MTA1: variants seen among roughly 807,000 people sequenced by gnomAD.
MTA1 encodes the protein metastasis associated 1, also known as metastasis-associated protein MTA1.
Under a neutral mutation model 97.0 loss-of-function variants are expected in MTA1, and 15 were observed. The ratio of observed to expected loss-of-function variants is 0.15; its 90% confidence interval spans 0.10 to 0.24. The LOEUF is 0.24. Among genes scored for constraint, MTA1 ranks in the 10% least tolerant of loss-of-function variants. The pLI, the probability that MTA1 is intolerant of heterozygous loss-of-function variation, is 1.00. For synonymous variants in MTA1, 435 were observed against 417.5 expected, an observed-to-expected ratio of 1.04 and a Z score of -0.51; for missense variants, 709 against 1,015.1, an observed-to-expected ratio of 0.70 and a Z score of 4.10.
intron 10 of MTA1, among the ~76,000 whole-genome samples, chr14:105,462,268 G>A (rs2083386423): frequency 6.6e-6 from 1 of 152,182 alleles, no homozygotes; most frequent in African/African-American, 2.4e-5. Flanking sequence ...AATAAGACAG[G>A]TTTCTTAAAT....
Position 105,460,934 on chromosome 14 carries a change from C to T in MTA1, c.923C>T (p.Thr308Met), listed in dbSNP as rs782174559. The T allele has an allele frequency of 7.4e-6, 12 of 1,610,866 alleles. No individual in the cohort carries two copies. The highest frequency in any genetic ancestry group is 2.7e-5 in the African/African-American group (2 of 74,834). The change falls in exon 10 of 21, where the codon ACG becomes ATG. Residue 308 changes from threonine (T) to methionine (M), a missense_variant. By Grantham distance (81) the Thr-to-Met change is moderately conservative. Around this residue, in one of 2 missense-constraint regions of MTA1, gnomAD observed 321 missense variants for 593.5 expected, o/e 0.54. Transcript: ENST00000331320. ...EALEKYGKDF[T>M]DIQQDFLPWK... ...CTGGAAAAATATGGGAAGGATTTCA[C>T]GGACATTCAGCAAGATTTTGTGAGT...
intron 2 of MTA1, among the ~76,000 whole-genome samples, chr14:105,440,658 C>T (rs2082481173): frequency 6.6e-6 from 1 of 152,272 alleles, no homozygotes; most frequent in African/African-American, 2.4e-5. Flanking sequence ...CTCCTCAGGG[C>T]CAGGGCCACA....
intron 3 of MTA1, among the ~76,000 whole-genome samples, chr14:105,447,032 A>G (rs974100446): frequency 6.6e-6 from 1 of 152,234 alleles, no homozygotes; most frequent in African/African-American, 2.4e-5. Context: ...GAAGGTCCAC[A>G]GGCTACACAT....
At chr14:105,460,693 G>T (rs1399025744) in intron 9 of MTA1, 72 bp from the exon 10 acceptor site, 7 of 1,443,558 alleles carry the variant, frequency 4.8e-6, no homozygotes, top group Non-Finnish European at 5.5e-6. Context: ...AGGTACTGAG[G>T]GAGGGGGTAC....
intron 2 of MTA1, among the ~76,000 whole-genome samples, chr14:105,440,264 C>T (rs957652077): frequency 6.6e-6 from 1 of 152,248 alleles, no homozygotes; most frequent in African/African-American, 2.4e-5. Flanking sequence ...TTTACGCATC[C>T]CAGCATGTGG....
chr14:105,457,713 G>A (rs2083204854), intron 7 of MTA1, among the ~76,000 whole-genome samples: 2 of 152,230 alleles, frequency 1.3e-5, no homozygotes, highest in African/African-American at 4.8e-5. Flanking sequence ...ATCACCTGAG[G>A]TCAAGAGTTC....
Position 105,470,361 on chromosome 14 carries a change from GGGA to G in MTA1, c.*151_*153del. ...AAACGCGCTCCTTGGCGGACACTGG[GGGA>G]GGAGAGGAAGAAGCGCGGCTAACTT... On this transcript the variant is annotated 3_prime_UTR_variant, in exon 21 of 21. Transcript: ENST00000331320. 1 of 631,756 alleles carries G rather than the reference GGGA, an allele frequency of 1.6e-6. No homozygotes were observed. The highest frequency in any genetic ancestry group is 2.5e-5 in the South Asian group (1 of 40,150). 39.1% of individuals were successfully genotyped at this position (631,756 alleles called of 1,614,324 possible).
At chr14:105,426,840 G>A (rs2082029494) in intron 1 of MTA1, among the ~76,000 whole-genome samples, 1 of 152,208 alleles carries the variant, frequency 6.6e-6, no homozygotes, top group Non-Finnish European at 1.5e-5. Context: ...GCAGCATTTG[G>A]GACGTTGTCA....
rs952867217 is a variant in MTA1 at position 105,424,899 on chromosome 14, C to T, written c.28+4836C>T. Among the ~76,000 whole-genome samples the T allele has an allele frequency of 6.6e-6, 1 of 152,246 alleles. No homozygotes were observed. Among genetic ancestry groups the T allele is most frequent in the Admixed American group, 6.5e-5 (1 of 15,288 alleles). On this transcript the variant is annotated intron_variant, in intron 1 of 20. Transcript: ENST00000331320. This position sits in a 1 kb window ranked among gnomAD's most constrained non-coding sequence, Gnocchi z 4.0. ...AATATATGGTCCAATGAAGCACATC[C>T]CTCGCGCCCGACCCGCCCTGGCAGT... is the stretch of plus-strand genomic sequence containing the variant.
At chr14:105,467,164 G>C (rs1299632528) in intron 18 of MTA1, 3 of 369,248 alleles carry the variant, frequency 8.1e-6, no homozygotes, top group African/African-American at 6.4e-5. Flanking sequence ...GGGCAACTGA[G>C]CTTGTACACA....
Position 105,464,197 on chromosome 14 carries a change from G to A in MTA1, c.1192+50G>A, listed in dbSNP as rs587654318. 348 of 1,562,306 alleles carry A rather than the reference G, an allele frequency of 2.2e-4. 3 individuals are homozygous for A. The South Asian group carries it at 3.6e-3, about 16-fold the overall frequency. On this transcript the variant is annotated intron_variant, in intron 13 of 20. Transcript: ENST00000331320. ...CACACCGCACGCCCGCCTGTGGGCC[G>A]TGGTGCCTGCGTTGGCCCTGAGGGC...
At chr14:105,428,989 G>A (rs1004759881) in intron 1 of MTA1, among the ~76,000 whole-genome samples, 1 of 152,172 alleles carries the variant, frequency 6.6e-6, no homozygotes, top group African/African-American at 2.4e-5. Context: ...CTCCCAAAAT[G>A]CTGGGATTAC....
At chr14:105,468,163 TGAGCTC>T in intron 18 of MTA1, 1 of 482,038 alleles carries the variant, frequency 2.1e-6, no homozygotes, top group Non-Finnish European at 3.8e-6. Context: ...AGGCATGAGC[TGAGCTC>T]GAGTGAGGGC....
In MTA1 at chr14:105,446,025, G is replaced by A. The variant is rs587620618; in HGVS notation, c.190+514G>A. ...GAGGGGCTGCTGTGGCCAGCACAGC[G>A]TGTGGGAGGAAGCCACTGGCTGCAT... On this transcript the variant is annotated intron_variant, in intron 3 of 20. Transcript: ENST00000331320. Among the ~76,000 whole-genome samples, 277 of 152,190 alleles carry A rather than the reference G, an allele frequency of 1.8e-3. 4 individuals carry two copies. The highest frequency in any genetic ancestry group is 6.4e-3 in the African/African-American group (266 of 41,512).
intron 1 of MTA1, 122 bp from the exon 2 acceptor site, chr14:105,438,550 A>G: frequency 1.2e-6 from 1 of 823,284 alleles, no homozygotes; most frequent in East Asian, 2.4e-5. Context: ...TCCTCGCCTG[A>G]GGGAGCAGAG....
intron 6 of MTA1, among the ~76,000 whole-genome samples, 166 bp from the exon 7 acceptor site, chr14:105,454,027 C>T (rs943246300): frequency 3.9e-5 from 6 of 152,184 alleles, no homozygotes; most frequent in Non-Finnish European, 7.3e-5. Context: ...CAGGCATGGC[C>T]GGGAGCTGTG....
intron 19 of MTA1, 39 bp from the exon 20 acceptor site, chr14:105,469,802 C>T (rs2083758342): frequency 1.9e-6 from 3 of 1,573,126 alleles, no homozygotes; most frequent in Middle Eastern, 1.7e-4. Flanking sequence ...GTGGAGCTGG[C>T]CCTTGGCTGG....
chr14:105,462,519 G>A (rs1435961961), intron 10 of MTA1, among the ~76,000 whole-genome samples: 1 of 151,762 alleles, frequency 6.6e-6, no homozygotes, highest in Non-Finnish European at 1.5e-5. Flanking sequence ...GCTGTGAGCC[G>A]AGATCGCACC....
In MTA1 at chr14:105,424,668, G is replaced by A. The variant is rs1279523842; in HGVS notation, c.28+4605G>A. On this transcript the variant is annotated intron_variant, in intron 1 of 20. Coordinates refer to ENST00000331320, the MANE Select transcript of MTA1 (RefSeq NM_004689.4). The surrounding 1 kb of genome is among the most constrained non-coding windows in gnomAD (Gnocchi z 4.0). ...GCACCACCACACCTGGCTAGTTTTTGTGTTTTTAGTAGAGACAGGGTTTCA... is the reference window on the plus strand; with the variant it reads ...GCACCACCACACCTGGCTAGTTTTTATGTTTTTAGTAGAGACAGGGTTTCA... 6.6e-6 allele frequency among the ~76,000 whole-genome samples: 1 copy of A among 150,830 alleles called. No homozygotes were observed. Among genetic ancestry groups the A allele is most frequent in the Admixed American group, 6.6e-5 (1 of 15,154 alleles).
Sources: allele counts gnomAD v4.1 joint callset (sites outside exome capture counted in the v4.1 genomes callset), GRCh38; gene constraint gnomAD v4.1.1; regional missense constraint gnomAD v4.1.1; non-coding constraint Gnocchi (gnomAD v3.1); transcripts MANE v1.5; gene names NCBI Gene and HGNC (gene_info 2026-07-23, HGNC 2026-07-21).